AKR1E2: variants seen among roughly 807,000 people sequenced by gnomAD.
AKR1E2 encodes the protein 1,5-anhydro-D-fructose reductase.
In AKR1E2, 43 loss-of-function variants were observed where a neutral mutation model predicts 41.9. The ratio of observed to expected loss-of-function variants is 1.03; its 90% CI spans 0.80 to 1.32. The LOEUF (loss-of-function observed/expected upper bound fraction) is 1.32. Among genes scored for constraint, AKR1E2 ranks in the 40% most tolerant of loss-of-function variants. AKR1E2 has a pLI of 0.00. For missense variants in AKR1E2, 423 were observed against 396.5 expected (o/e 1.07, Z -0.57); for synonymous variants, 121 against 138.9 (o/e 0.87, Z 0.91).
chr10:4,863,946 C>T, the AKR1E2 span, among the ~76,000 whole-genome samples: 1 of 152,088 alleles, frequency 6.6e-6, no homozygotes, highest in Non-Finnish European at 1.5e-5. Context: ...CAATAACAGG[C>T]TCTGAAATTG....
At chr10:4,858,211 C>A in the AKR1E2 span, among the ~76,000 whole-genome samples, 1 of 152,118 alleles carries the variant, frequency 6.6e-6, no homozygotes. Context: ...ATAGTGTTAA[C>A]TACTCCAGGG....
Position 4,837,445 on chromosome 10 carries a change from T to A in AKR1E2, c.460-14T>A. ...GACAGAAGCTTCACACCCAGCAGAG[T>A]CGTTCTCTTATAGGCCATGGAGGAC... On this transcript the variant is annotated splice_polypyrimidine_tract_variant and intron_variant, in intron 4 of 9. Coordinates refer to ENST00000298375, the MANE Select transcript of AKR1E2 (RefSeq NM_001040177.3). 1 of 1,613,088 alleles carries A rather than the reference T, an allele frequency of 6.2e-7. No homozygotes were observed. Among genetic ancestry groups the A allele is most frequent in the Non-Finnish European group, 8.5e-7 (1 of 1,179,278 alleles).
At chr10:4,829,018 T>C (rs1284874774) in intron 1 of AKR1E2, among the ~76,000 whole-genome samples, 4 of 152,202 alleles carry the variant, frequency 2.6e-5, no homozygotes, top group Non-Finnish European at 5.9e-5. Context: ...TTTCCTTTTT[T>C]TCCACTCTTT....
chr10:4,845,398 G>A (rs573900199), intron 8 of AKR1E2, among the ~76,000 whole-genome samples: 1 of 151,900 alleles, frequency 6.6e-6, no homozygotes, highest in African/African-American at 2.4e-5. Flanking sequence ...CTCCTCAAGT[G>A]CCGCCAAAGT....
At chr10:4,829,217 T>C (rs1043211054) in intron 1 of AKR1E2, among the ~76,000 whole-genome samples, 1 of 152,216 alleles carries the variant, frequency 6.6e-6, no homozygotes, top group Non-Finnish European at 1.5e-5. Flanking sequence ...TAAACTGGTA[T>C]TGAATCTTAA....
Position 4,835,742 on chromosome 10 carries a change from A to T in AKR1E2, c.392A>T (p.Gln131Leu). 6.2e-7 allele frequency: 1 copy of T among 1,614,208 alleles called. No homozygotes were observed. Residue 131 changes from glutamine to leucine, a missense_variant, in exon 4 of 10, where the codon CAG becomes CTG. Transcript: ENST00000298375. ...LSFCLSHPRVQDLPLDESNMV... is the reference protein window; with the variant it reads ...LSFCLSHPRVLDLPLDESNMV... ...TTCTGCCTCTCACATCCTCGAGTGC[A>T]GGACTTGCCTCTGGACGAGAGCAAC...
At chr10:4,857,478 A>G in the AKR1E2 span, among the ~76,000 whole-genome samples, 39,211 of 151,908 alleles carry the variant, frequency 0.26, 5,251 homozygotes, top group Middle Eastern at 0.37. Flanking sequence ...ATCTGCCATG[A>G]TTGTAAGTTT....
chr10:4,835,927 T>G, intron 4 of AKR1E2, 118 bp downstream of exon 4: 1 of 1,406,820 alleles, frequency 7.1e-7, no homozygotes, highest in South Asian at 1.4e-5. Context: ...AGATGTGGGG[T>G]TTGTGGAGCA....
At chr10:4,866,394 G>C in the AKR1E2 span, among the ~76,000 whole-genome samples, 1 of 152,148 alleles carries the variant, frequency 6.6e-6, no homozygotes, top group African/African-American at 2.4e-5. Context: ...AAATAATTCA[G>C]AGTCTGCCCT....
chr10:4,841,568 T>C (rs1186674882), intron 6 of AKR1E2, among the ~76,000 whole-genome samples: 1 of 152,170 alleles, frequency 6.6e-6, no homozygotes, highest in East Asian at 1.9e-4. Flanking sequence ...TGAAAAGTGA[T>C]GTCGTGTAGC....
chr10:4,869,333 A>G, the AKR1E2 span, among the ~76,000 whole-genome samples: 1 of 152,092 alleles, frequency 6.6e-6, no homozygotes, highest in Non-Finnish European at 1.5e-5. Flanking sequence ...GTAGTACCCC[A>G]TTACCATCCT....
Position 4,837,591 on chromosome 10 carries a change from T to C in AKR1E2, c.582+10T>C. 1 of 1,611,914 alleles carries C rather than the reference T, an allele frequency of 6.2e-7. No individual in the cohort carries two copies. Among genetic ancestry groups the C allele is most frequent in the East Asian group, 2.2e-5 (1 of 44,832 alleles). On this transcript the variant is annotated intron_variant, in intron 5 of 9. Coordinates refer to ENST00000298375, the MANE Select transcript of AKR1E2 (RefSeq NM_001040177.3). ...GCCACTAACCAACCAGGTAAGCCGATGGAAGCATCAGAGAGTTTAACCTGT... is the reference window on the plus strand; with the variant it reads ...GCCACTAACCAACCAGGTAAGCCGACGGAAGCATCAGAGAGTTTAACCTGT...
chr10:4,841,911 C>G (rs1588471601), intron 7 of AKR1E2, 54 bp downstream of exon 7: 3 of 1,536,706 alleles, frequency 2.0e-6, no homozygotes, highest in Non-Finnish European at 2.7e-6. Flanking sequence ...CGCTCTACAT[C>G]CTTGGGGAGT....
At chr10:4,853,368 C>T in the AKR1E2 span, among the ~76,000 whole-genome samples, 1 of 149,752 alleles carries the variant, frequency 6.7e-6, no homozygotes. Context: ...AATTGTATTT[C>T]TTTGATACAT....
At position 4,837,579 on chromosome 10, in the gene AKR1E2, C is replaced by G. The variant is rs1372018555; in HGVS notation, c.580C>G (p.Gln194Glu). Residue 194 changes from glutamine to glutamate, a missense_variant and splice_region_variant, in exon 5 of 10, where the codon CAG becomes GAG. Coordinates refer to ENST00000298375, the MANE Select transcript of AKR1E2 (RefSeq NM_001040177.3). Reference protein sequence around the residue: ...PGLRFKPLTNQIECHPYLTQK... With the variant: ...PGLRFKPLTNEIECHPYLTQK... ...GTTGAGGTTCAAGCCACTAACCAAC[C>G]AGGTAAGCCGATGGAAGCATCAGAG... 6.2e-7 allele frequency: 1 copy of G among 1,612,878 alleles called. No homozygotes were observed. The highest frequency in any genetic ancestry group is 2.2e-5 in the East Asian group (1 of 44,832).
intron 1 of AKR1E2, among the ~76,000 whole-genome samples, chr10:4,827,869 T>C (rs1438263339): frequency 6.6e-6 from 1 of 152,178 alleles, no homozygotes; most frequent in East Asian, 1.9e-4. Context: ...TGCTTCCCTT[T>C]ATTTCTGCAA....
the AKR1E2 span, among the ~76,000 whole-genome samples, chr10:4,868,417 G>T: frequency 1.3e-5 from 2 of 152,164 alleles, no homozygotes; most frequent in South Asian, 2.1e-4. Flanking sequence ...GTCTGTTTTT[G>T]TGGGTGGGGA....
intron 2 of AKR1E2, 100 bp from the exon 3 acceptor site, chr10:4,833,250 G>A: frequency 1.1e-6 from 1 of 871,610 alleles, no homozygotes; most frequent in Non-Finnish European, 1.9e-6. Context: ...TCTCATCTTG[G>A]CTATTTTGGG....
rs534060027 is a variant in AKR1E2, at chr10:4,842,532, G to A, written c.837+28G>A. 1.1e-5 allele frequency: 18 copies of A among 1,604,312 alleles called. 1 individual carries two copies. Among genetic ancestry groups the A allele is most frequent in the Middle Eastern group, 1.7e-4 (1 of 6,040 alleles). On this transcript the variant is annotated intron_variant, in intron 8 of 9. Transcript: ENST00000298375. Reference sequence around the variant, plus strand: ...AGGTGTATTCCTTCTTTTATTTGGCGGGTTTCAGATCATGTGTTAGATGGG... The same window carrying A: ...AGGTGTATTCCTTCTTTTATTTGGCAGGTTTCAGATCATGTGTTAGATGGG...
Sources: gnomAD v4.1 joint callset for allele counts (sites outside exome capture counted in the v4.1 genomes callset) on GRCh38, gnomAD v4.1.1 for gene constraint, MANE v1.5 for transcripts, NCBI Gene and HGNC (gene_info 2026-07-23, HGNC 2026-07-21) for gene names.